Variants in FBXL4 observed in about 807,000 individuals in gnomAD.
FBXL4 encodes the protein F-box and leucine rich repeat protein 4, also known as F-box/LRR-repeat protein 4.
FBXL4 carries 40 observed loss-of-function variants against 58.9 expected under a neutral mutation model. That is an observed-to-expected ratio of 0.68 (90% CI 0.53 to 0.88). The LOEUF (loss-of-function observed/expected upper bound fraction) is 0.88. Among genes scored for constraint, FBXL4 ranks in the 40% least tolerant of loss-of-function variants. FBXL4 has a pLI of 0.00. For synonymous variants in FBXL4, 263 were observed against 265.5 expected, an observed-to-expected ratio of 0.99 and a Z score of 0.09; for missense variants, 676 against 734.4, an observed-to-expected ratio of 0.92 and a Z score of 0.92.
In FBXL4 at chr6:98,899,498, C is replaced by G. The variant is rs1399496442; in HGVS notation, c.1104-17G>C. The G allele has an allele frequency of 6.2e-7, 1 of 1,602,854 alleles. No homozygotes were observed. Among genetic ancestry groups the G allele is most frequent in the Non-Finnish European group, 8.5e-7 (1 of 1,174,242 alleles). On this transcript the variant is annotated splice_polypyrimidine_tract_variant and intron_variant, in intron 6 of 9. Transcript: ENST00000369244. ...TTCAGAAACCTGCCAAAACAACATT[C>G]TATGTGAATTTTATAAAACTAAAAG...
chr6:98,898,816 T>A, intron 7 of FBXL4: 1 of 985,230 alleles, frequency 1.0e-6, no homozygotes, highest in East Asian at 1.1e-4. Flanking sequence ...AGTAGACTAA[T>A]ATATATGACA....
intron 5 of FBXL4, among the ~76,000 whole-genome samples, chr6:98,908,922 G>GA (rs1771923980): frequency 1.3e-5 from 2 of 152,182 alleles, no homozygotes; most frequent in Non-Finnish European, 2.9e-5. Flanking sequence ...TGGATTGTTT[G>GA]ACTGCAAATG....
chr6:98,943,598 A>G (rs1459370149), intron 1 of FBXL4, among the ~76,000 whole-genome samples: 3 of 151,522 alleles, frequency 2.0e-5, no homozygotes, highest in South Asian at 2.1e-4. Context: ...AAAAAAAAAA[A>G]AAGAAGACAA....
rs1372983416 is a variant in FBXL4 at position 98,926,656 on chromosome 6, G to C, written c.333C>G (p.Ser111=). Residue 111 remains serine (S), a synonymous_variant, in exon 4 of 10, where the codon TCC becomes TCG. Coordinates refer to ENST00000369244, the MANE Select transcript of FBXL4 (RefSeq NM_001278716.2). ...TAGGTGGCGTCCTCTTGAATGGCAA[G>C]GAAGCACTAGGACACTGATCCCACC... ...GTWWDQCPSA[S]LPFKRTPPNF... is the part of the protein sequence containing the mutation. The C allele has an allele frequency of 2.5e-6, 4 of 1,614,012 alleles. No individual in the cohort carries two copies. Among genetic ancestry groups the C allele is most frequent in the Middle Eastern group, 1.6e-4 (1 of 6,084 alleles).
intron 9 of FBXL4, chr6:98,875,134 T>C: frequency 2.6e-6 from 1 of 388,654 alleles, no homozygotes. Flanking sequence ...GCAGCTCATG[T>C]AAATTCTCAC....
At chr6:98,916,709 C>G (rs183760655) in intron 5 of FBXL4, among the ~76,000 whole-genome samples, 17 of 151,552 alleles carry the variant, frequency 1.1e-4, no homozygotes, top group African/African-American at 4.1e-4. Context: ...AGGAGATATA[C>G]CTAATGCTAA....
rs1183048621 is a variant in FBXL4 at position 98,873,005 on chromosome 6, A to G, written c.*1273T>C. 6.6e-6 allele frequency: 1 copy of G among 152,172 alleles called. No individual in the cohort carries two copies. Among genetic ancestry groups the G allele is most frequent in the Non-Finnish European group, 1.5e-5 (1 of 68,034 alleles). The allele number at this position is 152,172 out of a possible 1,614,324, so 9.4% of individuals were successfully genotyped here. Reference sequence around the variant, plus strand: ...CATGTGACTACTGAACACTTGACATACATCGTTTTGTTAAAAAAATGAATT... The same window carrying G: ...CATGTGACTACTGAACACTTGACATGCATCGTTTTGTTAAAAAAATGAATT... On this transcript the variant is annotated 3_prime_UTR_variant, in exon 10 of 10. Transcript: ENST00000369244.
chr6:98,928,681 A>C (rs1772886897), intron 2 of FBXL4, among the ~76,000 whole-genome samples: 1 of 152,166 alleles, frequency 6.6e-6, no homozygotes. Flanking sequence ...CTTCAGCACT[A>C]AGATTATAAA....
At chr6:98,935,795 C>A (rs199733350) in intron 1 of FBXL4, among the ~76,000 whole-genome samples, 339 of 117,550 alleles carry the variant, frequency 2.9e-3, no homozygotes, top group East Asian at 5.6e-3. Context: ...GACTCCGTCT[C>A]AAAAAAAAAA....
intron 4 of FBXL4, among the ~76,000 whole-genome samples, chr6:98,923,358 T>A (rs1041270653): frequency 6.6e-6 from 1 of 151,786 alleles, no homozygotes; most frequent in African/African-American, 2.4e-5. Flanking sequence ...GGAAGCTGGA[T>A]CCAAAAAAAT....
chr6:98,904,843 A>G (rs1377037319), intron 6 of FBXL4, among the ~76,000 whole-genome samples: 1 of 152,224 alleles, frequency 6.6e-6, no homozygotes, highest in African/African-American at 2.4e-5. Context: ...AAGCTTTCAA[A>G]TGCTTAACAG....
intron 5 of FBXL4, among the ~76,000 whole-genome samples, chr6:98,911,231 G>A (rs551484067): frequency 6.6e-6 from 1 of 152,202 alleles, no homozygotes; most frequent in South Asian, 2.1e-4. Flanking sequence ...TGCCTCTGTA[G>A]GCTCCACCTC....
intron 7 of FBXL4, among the ~76,000 whole-genome samples, chr6:98,882,358 C>T (rs1770884025): frequency 6.6e-6 from 1 of 151,668 alleles, no homozygotes; most frequent in African/African-American, 2.4e-5. Context: ...TATAATTTTC[C>T]AATACATTAT....
At chr6:98,880,095 A>C (rs1411919686) in intron 8 of FBXL4, among the ~76,000 whole-genome samples, 1 of 152,184 alleles carries the variant, frequency 6.6e-6, no homozygotes, top group Non-Finnish European at 1.5e-5. Flanking sequence ...TTTGACCAGT[A>C]AGGACAGTAA....
chr6:98,905,329 G>T, intron 6 of FBXL4, 97 bp downstream of exon 6: 7 of 1,350,278 alleles, frequency 5.2e-6, no homozygotes, highest in Non-Finnish European at 7.2e-6. Context: ...GTAAGTACAT[G>T]TTACATAATT....
At chr6:98,936,572 AC>A (rs1773226662) in intron 1 of FBXL4, among the ~76,000 whole-genome samples, 1 of 152,162 alleles carries the variant, frequency 6.6e-6, no homozygotes, top group Non-Finnish European at 1.5e-5. Flanking sequence ...CTTTATGATG[AC>A]CTATTTCCAC....
At chr6:98,876,781 T>A (rs1236560292) in intron 8 of FBXL4, among the ~76,000 whole-genome samples, 2 of 151,954 alleles carry the variant, frequency 1.3e-5, no homozygotes, top group Non-Finnish European at 2.9e-5. Context: ...GGAACAAAAA[T>A]GAGATCCATA....
intron 7 of FBXL4, 152 bp downstream of exon 7, chr6:98,899,116 G>C: frequency 2.1e-6 from 3 of 1,396,882 alleles, no homozygotes; most frequent in Non-Finnish European, 2.8e-6. Context: ...ACTTCACAAT[G>C]ACTGAATCAG....
rs1422468570 is a variant in FBXL4, at chr6:98,885,439, TAAC to T, written c.1318-4818_1318-4816del. On this transcript the variant is annotated intron_variant, in intron 7 of 9. Transcript: ENST00000369244. ...CTGTGAGGTTGTTTTTGGATGAGAT[TAAC>T]ATTTAAATCAGTAGACTGAATAAAG... 3.5e-3 allele frequency among the ~76,000 whole-genome samples: 537 copies of T among 152,250 alleles called. 3 individuals are homozygous for T. The highest frequency in any genetic ancestry group is 0.012 in the African/African-American group (516 of 41,540).
Sources: allele counts gnomAD v4.1 joint callset (sites outside exome capture counted in the v4.1 genomes callset), GRCh38; gene constraint gnomAD v4.1.1; transcripts MANE v1.5; gene names NCBI Gene and HGNC (gene_info 2026-07-23, HGNC 2026-07-21).